Variants in ZFP1 observed in about 807,000 individuals in gnomAD.
ZFP1 encodes ZFP1 zinc finger protein.
ZFP1 carries 32 observed loss-of-function variants against 38.5 expected under a neutral mutation model. The ratio of observed to expected loss-of-function variants is 0.83; its 90% confidence interval spans 0.63 to 1.12. The LOEUF is 1.12. ZFP1 is among the 50% of genes most tolerant of loss of function. ZFP1 has a pLI of 0.00. For missense variants in ZFP1, 616 were observed against 480.8 expected, an observed-to-expected ratio of 1.28 and a Z score of -2.63; for synonymous variants, 245 against 168.8, an observed-to-expected ratio of 1.45 and a Z score of -3.50.
At chr16:75,166,970 A>G in intron 3 of ZFP1, 74 bp downstream of exon 3, 1 of 1,543,398 alleles carries the variant, frequency 6.5e-7, no homozygotes, top group South Asian at 1.3e-5. Flanking sequence ...ACCAGAAATG[A>G]GCTTCTGAAT....
chr16:75,134,106 G>A, the ZFP1 span, among the ~76,000 whole-genome samples: 1 of 152,158 alleles, frequency 6.6e-6, no homozygotes, highest in Non-Finnish European at 1.5e-5. Flanking sequence ...TGGATTGGGG[G>A]ACAGGGAATT....
chr16:75,168,608 C>T lies in ZFP1; in HGVS notation c.143-645C>T, dbSNP rs149532929. Among the ~76,000 whole-genome samples the T allele has an allele frequency of 6.6e-5, 10 of 152,028 alleles. No individual in the cohort carries two copies. The East Asian group carries it at 1.4e-3, about 21-fold the overall frequency. ...ATCCTGTGGTAAGGGTTGTGTATCTCTTAGCGAATGAGTTTCTGGATTTTA... is the reference window on the plus strand; with the variant it reads ...ATCCTGTGGTAAGGGTTGTGTATCTTTTAGCGAATGAGTTTCTGGATTTTA... On this transcript the variant is annotated intron_variant, in intron 3 of 3. Coordinates refer to ENST00000570010, the MANE Select transcript of ZFP1 (RefSeq NM_153688.4).
chr16:75,158,463 C>G (rs909205987), intron 2 of ZFP1, among the ~76,000 whole-genome samples: 1 of 151,864 alleles, frequency 6.6e-6, no homozygotes, highest in Admixed American at 6.6e-5. Context: ...CCACGTCAGC[C>G]TCCTGAGTAG....
intron 3 of ZFP1, among the ~76,000 whole-genome samples, chr16:75,167,298 G>A (rs536341945): frequency 6.6e-6 from 1 of 152,152 alleles, no homozygotes; most frequent in East Asian, 1.9e-4. Context: ...TCAGCAATCT[G>A]TTTTTCAAAT....
the ZFP1 span, among the ~76,000 whole-genome samples, chr16:75,135,131 A>T: frequency 6.8e-6 from 1 of 146,950 alleles, no homozygotes; most frequent in Non-Finnish European, 1.5e-5. Context: ...GATTGCTTGA[A>T]CCCAGGAGTT....
intron 2 of ZFP1, among the ~76,000 whole-genome samples, chr16:75,156,742 A>T (rs1597050367): frequency 6.6e-6 from 1 of 152,212 alleles, no homozygotes; most frequent in African/African-American, 2.4e-5. Flanking sequence ...TTCACTGGTG[A>T]ATAGCCACCA....
chr16:75,153,657 T>C (rs2037322224), intron 2 of ZFP1, among the ~76,000 whole-genome samples: 1 of 152,192 alleles, frequency 6.6e-6, no homozygotes, highest in Admixed American at 6.5e-5. Flanking sequence ...ATTATTAATA[T>C]ATGCATTAAT....
At chr16:75,162,600 G>A (rs1306364224) in intron 2 of ZFP1, among the ~76,000 whole-genome samples, 1 of 152,148 alleles carries the variant, frequency 6.6e-6, no homozygotes, top group Non-Finnish European at 1.5e-5. Flanking sequence ...GGTGACGTTT[G>A]GGGTATGATT....
the ZFP1 span, chr16:75,126,315 A>G: frequency 6.6e-6 from 1 of 151,702 alleles, no homozygotes; most frequent in African/African-American, 2.4e-5. Context: ...ATGCCCAGGT[A>G]ATTTTTTTAT....
rs145957779 is a variant in ZFP1, at chr16:75,160,169, T to C, written c.16-6601T>C. 8.7e-4 allele frequency among the ~76,000 whole-genome samples: 133 copies of C among 152,330 alleles called. 1 individual carries two copies. The highest frequency in any genetic ancestry group is 4.6e-3 in the South Asian group (22 of 4,830). On this transcript the variant is annotated intron_variant, in intron 2 of 3. Transcript: ENST00000570010. ...CTCTATGGCTTCTGTAGCGCCATCA[T>C]CCTATGTCTTACTCCATTTTGTGCT...
intron 2 of ZFP1, among the ~76,000 whole-genome samples, chr16:75,155,982 C>T (rs2037450610): frequency 6.6e-6 from 1 of 152,030 alleles, no homozygotes; most frequent in Non-Finnish European, 1.5e-5. Flanking sequence ...TCCGTGGGCC[C>T]TTTGCCAAGA....
chr16:75,146,378 A>C (rs1017441472), upstream of ZFP1, among the ~76,000 whole-genome samples: 4 of 152,046 alleles, frequency 2.6e-5, no homozygotes, highest in East Asian at 7.7e-4. Flanking sequence ...TGTGTTAGCC[A>C]GGATGGTCTC....
chr16:75,120,006 G>A, the ZFP1 span, among the ~76,000 whole-genome samples: 1 of 152,214 alleles, frequency 6.6e-6, no homozygotes, highest in African/African-American at 2.4e-5. Flanking sequence ...AAGAGCAATG[G>A]CTGTGCTTCT....
the ZFP1 span, among the ~76,000 whole-genome samples, chr16:75,131,258 G>C: frequency 6.6e-6 from 1 of 152,182 alleles, no homozygotes; most frequent in Non-Finnish European, 1.5e-5. Flanking sequence ...TTCAGGATGG[G>C]ATGGGGTTGG....
At chr16:75,137,950 C>G in the ZFP1 span, among the ~76,000 whole-genome samples, 1 of 150,736 alleles carries the variant, frequency 6.6e-6, no homozygotes, top group Non-Finnish European at 1.5e-5. Context: ...AAGAGACAAG[C>G]CTCACCTGCA....
chr16:75,165,531 A>C (rs1208602831), intron 2 of ZFP1, among the ~76,000 whole-genome samples: 1 of 152,026 alleles, frequency 6.6e-6, no homozygotes, highest in African/African-American at 2.4e-5. Flanking sequence ...AGTAGCTGGG[A>C]TTACAGGCGC....
At chr16:75,153,895 G>C (rs1012886497) in intron 2 of ZFP1, among the ~76,000 whole-genome samples, 1 of 152,130 alleles carries the variant, frequency 6.6e-6, no homozygotes, top group African/African-American at 2.4e-5. Flanking sequence ...TCTTTCTACT[G>C]TCTCATCTCC....
the ZFP1 span, among the ~76,000 whole-genome samples, chr16:75,132,050 C>G: frequency 1.3e-5 from 2 of 151,858 alleles, no homozygotes; most frequent in Non-Finnish European, 1.5e-5. Flanking sequence ...ATCTTTTTAT[C>G]TGCAAGTTTC....
chr16:75,159,654 C>G (rs2037665635), intron 2 of ZFP1, among the ~76,000 whole-genome samples: 2 of 151,986 alleles, frequency 1.3e-5, no homozygotes, highest in African/African-American at 4.8e-5. Flanking sequence ...TGTCCACCTG[C>G]CTCAGCCTCC....
Sources: gnomAD v4.1 joint callset for allele counts (sites outside exome capture counted in the v4.1 genomes callset) on GRCh38, gnomAD v4.1.1 for gene constraint, MANE v1.5 for transcripts, NCBI Gene and HGNC (gene_info 2026-07-23, HGNC 2026-07-21) for gene names.